The following DPP10 variants were observed in gnomAD, a reference collection of about 807,000 sequenced individuals.
DPP10 encodes the protein dipeptidyl peptidase like 10.
A neutral mutation model predicts 120.9 loss-of-function variants in DPP10; 33 were observed. The ratio of observed to expected loss-of-function variants is 0.27; its 90% CI spans 0.21 to 0.37. The LOEUF (loss-of-function observed/expected upper bound fraction) is 0.37. Ranked by LOEUF, DPP10 falls within the 10% of genes least tolerant of loss-of-function variation. The probability of loss-of-function intolerance (pLI) is 1.00; values close to 1 mark genes in which losing one functional copy is unlikely to be tolerated. For missense variants in DPP10, 816 were observed against 942.8 expected (o/e 0.87, Z 1.76); for synonymous variants, 337 against 326.1 (o/e 1.03, Z -0.36).
Position 114,990,495 on chromosome 2 carries a change from C to CT in DPP10, c.61-318737dup, listed in dbSNP as rs529061005. The stretch of plus-strand genomic sequence containing the variant: ...AATTTGTTTGTGATTCTCCAGATTC[C>CT]TTTTTTTCCATGTTATATTTATCAA... On this transcript the variant is annotated intron_variant, in intron 1 of 25. Transcript: ENST00000410059. Among the ~76,000 whole-genome samples, 8 of 152,098 alleles carry CT rather than the reference C, an allele frequency of 5.3e-5. No homozygotes were observed. In the South Asian group the frequency reaches 1.7e-3, roughly 32 times the overall value.
chr2:115,471,778 TTTG>T (rs57533300), intron 3 of DPP10, among the ~76,000 whole-genome samples: 440 of 149,734 alleles, frequency 2.9e-3, no homozygotes, highest in African/African-American at 0.01. Context: ...TCTGTTTTTG[TTTG>T]TTGTTGTTGT....
chr2:114,602,377 A>G (rs1363397894), intron 1 of DPP10, among the ~76,000 whole-genome samples: 2 of 151,748 alleles, frequency 1.3e-5, no homozygotes, highest in African/African-American at 2.4e-5. Context: ...ATTATAAAAT[A>G]TAGTATATAA....
chr2:115,273,146 C>T (rs1469161096), intron 1 of DPP10, among the ~76,000 whole-genome samples: 1 of 151,932 alleles, frequency 6.6e-6, no homozygotes, highest in Admixed American at 6.6e-5. Context: ...GTTTATCTTT[C>T]CCCCTTCAAT....
intron 3 of DPP10, among the ~76,000 whole-genome samples, chr2:115,398,705 A>T (rs1450414364): frequency 1.3e-5 from 2 of 152,152 alleles, no homozygotes; most frequent in Non-Finnish European, 2.9e-5. Context: ...CATATGCAAT[A>T]GCAACTTTAT....
intron 1 of DPP10, among the ~76,000 whole-genome samples, chr2:114,589,458 A>G (rs1691275822): frequency 6.6e-6 from 1 of 152,218 alleles, no homozygotes; most frequent in South Asian, 2.1e-4. Flanking sequence ...GTCATTGATT[A>G]TGTTTTTGTC....
intron 1 of DPP10, among the ~76,000 whole-genome samples, chr2:114,990,837 G>A (rs1030747661): frequency 2.6e-5 from 4 of 151,982 alleles, no homozygotes; most frequent in African/African-American, 9.7e-5. Context: ...ACTTGCTGTC[G>A]CTGATAGTCC....
At chr2:115,104,693 C>G (rs1389418419) in intron 1 of DPP10, among the ~76,000 whole-genome samples, 1 of 152,056 alleles carries the variant, frequency 6.6e-6, no homozygotes, top group African/African-American at 2.4e-5. Context: ...ACTTGATCTT[C>G]TCTTATGTTA....
At chr2:114,455,896 A>T (rs1184876201) in intron 1 of DPP10, among the ~76,000 whole-genome samples, 1 of 152,156 alleles carries the variant, frequency 6.6e-6, no homozygotes, top group African/African-American at 2.4e-5. Context: ...TTTTGAATGC[A>T]AAAGAGGTAG....
At chr2:115,817,958 A>C (rs1687435042) in intron 21 of DPP10, among the ~76,000 whole-genome samples, 1 of 152,172 alleles carries the variant, frequency 6.6e-6, no homozygotes, top group South Asian at 2.1e-4. Context: ...GCTGGTTTTT[A>C]ATGGATATAT....
intron 1 of DPP10, among the ~76,000 whole-genome samples, chr2:114,768,248 A>G (rs1430301283): frequency 6.6e-6 from 1 of 152,188 alleles, no homozygotes. Flanking sequence ...ATTGTATCAC[A>G]AAAGACTTCC....
chr2:115,439,549 A>G (rs2071826666), intron 3 of DPP10, among the ~76,000 whole-genome samples: 2 of 152,216 alleles, frequency 1.3e-5, no homozygotes, highest in Non-Finnish European at 2.9e-5. Context: ...ACAACTTACA[A>G]AATAGAATTT....
At chr2:114,703,948 T>C (rs924064371) in intron 1 of DPP10, among the ~76,000 whole-genome samples, 1 of 152,080 alleles carries the variant, frequency 6.6e-6, no homozygotes, top group Admixed American at 6.6e-5. Context: ...TGAGGAAATA[T>C]ATGCCCCAAA....
chr2:115,363,574 A>G (rs2064911618), intron 3 of DPP10, among the ~76,000 whole-genome samples: 1 of 152,204 alleles, frequency 6.6e-6, no homozygotes, highest in African/African-American at 2.4e-5. Flanking sequence ...AAGTTACTTG[A>G]CTTCTGTCAG....
Position 115,462,051 on chromosome 2 carries a change from T to C in DPP10, c.272-37459T>C, listed in dbSNP as rs377101431. 9.8e-5 allele frequency among the ~76,000 whole-genome samples: 15 copies of C among 152,316 alleles called. 1 individual carries two copies. In the East Asian group the frequency reaches 1.7e-3, roughly 18 times the overall value. On this transcript the variant is annotated intron_variant, in intron 3 of 25. Transcript: ENST00000410059. The stretch of plus-strand genomic sequence containing the variant: ...TAATTTACTATTTTCTTCTAAAGAA[T>C]TGGGATTTCAACAATCCAAAGGTGC...
chr2:115,165,537 G>T (rs988366195), intron 1 of DPP10, among the ~76,000 whole-genome samples: 3 of 152,042 alleles, frequency 2.0e-5, no homozygotes, highest in African/African-American at 7.2e-5. Flanking sequence ...TTAATATCAC[G>T]CTACTGATCT....
intron 13 of DPP10, among the ~76,000 whole-genome samples, chr2:115,774,213 C>CAA (rs1681823165): frequency 7.1e-6 from 1 of 141,324 alleles, no homozygotes; most frequent in Non-Finnish European, 1.6e-5. Context: ...CACACATACA[C>CAA]ACACACACAC....
intron 1 of DPP10, among the ~76,000 whole-genome samples, chr2:114,714,486 A>G (rs914218997): frequency 2.0e-5 from 3 of 152,164 alleles, no homozygotes; most frequent in Non-Finnish European, 2.9e-5. Flanking sequence ...GAAGCAGACA[A>G]AAGAGTGAGT....
Position 115,449,898 on chromosome 2 carries a change from G to A in DPP10, c.272-49612G>A, listed in dbSNP as rs1465762208. 2.0e-5 allele frequency among the ~76,000 whole-genome samples: 3 copies of A among 152,084 alleles called. No individual in the cohort carries two copies. In the East Asian group the frequency reaches 5.8e-4, roughly 29 times the overall value. On this transcript the variant is annotated intron_variant, in intron 3 of 25. Coordinates refer to ENST00000410059, the MANE Select transcript of DPP10 (RefSeq NM_020868.6). ...AGTAAAAATTGTGATTAAATTCAGG[G>A]CATTTTAAACTTGAGTTGTCCTTTT...
At position 115,042,989 on chromosome 2, in the gene DPP10, A is replaced by C. The variant is rs190607175; in HGVS notation, c.61-266250A>C. 2.8e-3 allele frequency among the ~76,000 whole-genome samples: 432 copies of C among 152,294 alleles called. 3 individuals carry two copies. The highest frequency in any genetic ancestry group is 9.8e-3 in the African/African-American group (408 of 41,560). ...TTTATCTCAGCAATGGCGTATGCAAAATTAGCTGGATGAAGAGTGTTATCT... is the reference window on the plus strand; with the variant it reads ...TTTATCTCAGCAATGGCGTATGCAACATTAGCTGGATGAAGAGTGTTATCT... On this transcript the variant is annotated intron_variant, in intron 1 of 25. Transcript: ENST00000410059.
Sources: allele counts gnomAD v4.1 joint callset (sites outside exome capture counted in the v4.1 genomes callset), GRCh38; gene constraint gnomAD v4.1.1; transcripts MANE v1.5; gene names NCBI Gene and HGNC (gene_info 2026-07-23, HGNC 2026-07-21).